Variants in ITGB4 observed in about 807,000 individuals in gnomAD.
The protein encoded by ITGB4 is integrin subunit beta 4.
A neutral mutation model predicts 207.6 loss-of-function variants in ITGB4; 159 were observed. That is an observed-to-expected ratio of 0.77 (90% confidence interval 0.67 to 0.87). The LOEUF is 0.87. Ranked by LOEUF, ITGB4 falls within the 40% of genes least tolerant of loss-of-function variation. The probability of loss-of-function intolerance (pLI) is 0.00; values close to 1 mark genes in which losing one functional copy is unlikely to be tolerated. For synonymous variants in ITGB4, 1,020 were observed against 1,062.7 expected (o/e 0.96, Z 0.78); for missense variants, 2,278 against 2,546.8 (o/e 0.89, Z 2.27).
In ITGB4 at chr17:75,735,383, G is replaced by A. The variant is rs183311628; in HGVS notation, c.1658-668G>A. ...ATTACAGGTGTGAGCCACCACGCCC[G>A]GCTGACAGTTTTATTTCTTTTTTCT... On this transcript the variant is annotated intron_variant, in intron 13 of 39. Transcript: ENST00000200181. 1.9e-3 allele frequency among the ~76,000 whole-genome samples: 287 copies of A among 149,614 alleles called. 1 individual carries two copies. Among genetic ancestry groups the A allele is most frequent in the African/African-American group, 6.7e-3 (274 of 40,604 alleles).
chr17:75,744,582 C>T (rs2061193957), intron 26 of ITGB4, among the ~76,000 whole-genome samples: 1 of 152,144 alleles, frequency 6.6e-6, no homozygotes, highest in Non-Finnish European at 1.5e-5. Context: ...GGATCGAAGA[C>T]CCCATGTCCC....
chr17:75,750,739 GC>G lies in ITGB4; in HGVS notation c.3537del (p.Ser1180GlnfsTer15). 1 of 1,613,534 alleles carries G rather than the reference GC, an allele frequency of 6.2e-7. No individual in the cohort carries two copies. The highest frequency in any genetic ancestry group is 8.5e-7 in the Non-Finnish European group (1 of 1,180,018). Reference sequence around the variant, plus strand: ...AAGCCCACCTGCTCGACAGCAAGGTGCCCTCAGTGGAGCTCACCAACCTGTA... The same window carrying G: ...AAGCCCACCTGCTCGACAGCAAGGTGCCTCAGTGGAGCTCACCAACCTGTA... ...SEAHLLDSKV[P>X]SVELTNLYPY... On this transcript the variant is annotated frameshift_variant, in exon 29 of 40. Transcript: ENST00000200181. LOFTEE classifies it high-confidence loss of function. This position sits in a 1 kb window ranked among gnomAD's most constrained non-coding sequence, Gnocchi z 5.5.
chr17:75,753,712 G>C lies in ITGB4; in HGVS notation c.4109-53G>C, dbSNP rs141962269. 639 of 1,256,432 alleles carry C rather than the reference G, an allele frequency of 5.1e-4. 1 individual carries two copies. The highest frequency in any genetic ancestry group is 6.1e-4 in the Non-Finnish European group (596 of 979,574). 77.8% of individuals were successfully genotyped at this position (1,256,432 alleles called of 1,614,324 possible). ...CTACGGCCTTCCCCCGCCTGGCCCT[G>C]CTCGGCCCGGCGCCCCCCGGCGGTG... On this transcript the variant is annotated intron_variant, in intron 32 of 39. Coordinates refer to ENST00000200181, the MANE Select transcript of ITGB4 (RefSeq NM_000213.5).
chr17:75,757,002 G>A lies in ITGB4; in HGVS notation c.5113G>A (p.Gly1705Ser), dbSNP rs2061527330. The change falls in exon 38 of 40, where the codon GGC (glycine) becomes AGC (serine). Residue 1705 changes from glycine to serine, a missense_variant. Transcript: ENST00000200181. ...DSPESRLTVP[G>S]LSENVPYKFK... is the part of the protein sequence containing the mutation. ...CCCCGAGAGCCGGCTGACCGTGCCG[G>A]GCCTCAGCGAGAACGTGCCCTACAA... 1.2e-6 allele frequency: 2 copies of A among 1,612,746 alleles called. No homozygotes were observed. The highest frequency in any genetic ancestry group is 1.3e-5 in the African/African-American group (1 of 74,908).
Position 75,724,779 on chromosome 17 carries a change from T to C in ITGB4, c.76T>C (p.Leu26=). Residue 26 remains leucine, a synonymous_variant, in exon 2 of 40, where the codon TTG becomes CTG. Transcript: ENST00000200181. ...ALISVSLSGT[L]ANRCKKAPVK... ...GATCAGCGTCAGCCTCTCTGGGACCTTGGGTGAGTCCACGTTGCCCTGCAG... is the reference window on the plus strand; with the variant it reads ...GATCAGCGTCAGCCTCTCTGGGACCCTGGGTGAGTCCACGTTGCCCTGCAG... 2 of 1,613,448 alleles carry C rather than the reference T, an allele frequency of 1.2e-6. No individual in the cohort carries two copies. Among genetic ancestry groups the C allele is most frequent in the Non-Finnish European group, 8.5e-7 (1 of 1,179,800 alleles).
At chr17:75,754,285 C>T (rs1223560779) in intron 33 of ITGB4, among the ~76,000 whole-genome samples, 1 of 152,148 alleles carries the variant, frequency 6.6e-6, no homozygotes, top group Non-Finnish European at 1.5e-5. Context: ...TGGGGATCTC[C>T]CCAGGGCAGA....
Position 75,757,509 on chromosome 17 carries a change from G to C in ITGB4, c.5423G>C (p.Ser1808Thr). 1 of 1,613,380 alleles carries C rather than the reference G, an allele frequency of 6.2e-7. No homozygotes were observed. The highest frequency in any genetic ancestry group is 8.5e-7 in the Non-Finnish European group (1 of 1,180,010). Residue 1808 changes from serine to threonine, a missense_variant, in exon 40 of 40, where the codon AGC (serine) becomes ACC (threonine). Coordinates refer to ENST00000200181, the MANE Select transcript of ITGB4 (RefSeq NM_000213.5). ...TTTGTGAGCCGGACACTGACCACCA[G>C]CGGAACCCTTAGCACCCACATGGAC... ...QEFVSRTLTT[S>T]GTLSTHMDQQ...
In ITGB4 at chr17:75,727,706, G is replaced by A. The variant is rs748925101; in HGVS notation, c.320G>A (p.Arg107Gln). 7.4e-6 allele frequency: 12 copies of A among 1,612,836 alleles called. No individual in the cohort carries two copies. Among genetic ancestry groups the A allele is most frequent in the Admixed American group, 1.7e-5 (1 of 59,936 alleles). ...RRSQMSPQGL[R>Q]VRLRPGEERH... ...AGCCAGATGTCCCCCCAAGGCCTGC[G>A]GGTCCGTCTGCGGCCCGGTGAGGAG... The change falls in exon 5 of 40, where the codon CGG becomes CAG. Residue 107 changes from arginine to glutamine, a missense_variant. Transcript: ENST00000200181. This position sits in a 1 kb window ranked among gnomAD's most constrained non-coding sequence, Gnocchi z 6.0.
Position 75,736,390 on chromosome 17 carries a change from A to G in ITGB4, c.1860+4A>G, listed in dbSNP as rs1568357072. On this transcript the variant is annotated splice_donor_region_variant and intron_variant, in intron 15 of 39. Transcript: ENST00000200181. ...CTGCGAGATCAACTACTCGGCGGTG[A>G]GGCTAAGACCTACGAGGTGTGGGCG... The G allele has an allele frequency of 6.2e-7, 1 of 1,613,942 alleles. No individual in the cohort carries two copies. Among genetic ancestry groups the G allele is most frequent in the Non-Finnish European group, 8.5e-7 (1 of 1,179,838 alleles).
intron 18 of ITGB4, among the ~76,000 whole-genome samples, chr17:75,738,225 C>T (rs1416447152): frequency 6.6e-6 from 1 of 151,694 alleles, no homozygotes; most frequent in African/African-American, 2.4e-5. Flanking sequence ...CCACACCAAC[C>T]CCATCCAGCT....
Position 75,739,300 on chromosome 17 carries a change from A to C in ITGB4, c.2221-372A>C, listed in dbSNP as rs2061053108. Among the ~76,000 whole-genome samples the C allele has an allele frequency of 1.3e-5, 2 of 151,940 alleles. No individual in the cohort carries two copies. The highest frequency in any genetic ancestry group is 2.9e-5 in the Non-Finnish European group (2 of 67,972). On this transcript the variant is annotated intron_variant, in intron 18 of 39. Transcript: ENST00000200181. This position sits in a 1 kb window ranked among gnomAD's most constrained non-coding sequence, Gnocchi z 5.4. ...ACAGAGCGAGACCCTGTCTCAAAAA[A>C]AAAAAAAAGAAAAGAAACAAGTTTC... is the stretch of plus-strand genomic sequence containing the variant.
chr17:75,733,429 A>G (rs2060906499), intron 12 of ITGB4, 61 bp from the exon 13 acceptor site: 3 of 1,327,466 alleles, frequency 2.3e-6, no homozygotes, highest in Admixed American at 1.7e-5. Flanking sequence ...ATTAAATGGG[A>G]CAGCAAAAGC....
chr17:75,742,971 C>T lies in ITGB4; in HGVS notation c.2962+210C>T, dbSNP rs1214345813. On this transcript the variant is annotated intron_variant, in intron 25 of 39. Transcript: ENST00000200181. The surrounding 1 kb of genome is among the most constrained non-coding windows in gnomAD (Gnocchi z 5.9). Reference sequence around the variant, plus strand: ...GCCACAGTGCCTGCCTGGTGGTGAGCGCTCAGTAAATGGAAGCTTCTGTTG... The same window carrying T: ...GCCACAGTGCCTGCCTGGTGGTGAGTGCTCAGTAAATGGAAGCTTCTGTTG... 1.3e-5 allele frequency among the ~76,000 whole-genome samples: 2 copies of T among 152,126 alleles called. No individual in the cohort carries two copies. The highest frequency in any genetic ancestry group is 4.8e-5 in the African/African-American group (2 of 41,406).
In ITGB4 at chr17:75,740,281, G is replaced by T; in HGVS notation, c.2447-77G>T. Reference sequence around the variant, plus strand: ...ATCCCCTGATCCTAGCATGGTTGCTGGAGGGATGCTCTGTGGTGCCTGTCA... The same window carrying T: ...ATCCCCTGATCCTAGCATGGTTGCTTGAGGGATGCTCTGTGGTGCCTGTCA... On this transcript the variant is annotated intron_variant, in intron 20 of 39. Coordinates refer to ENST00000200181, the MANE Select transcript of ITGB4 (RefSeq NM_000213.5). The surrounding 1 kb of genome is among the most constrained non-coding windows in gnomAD (Gnocchi z 5.9). The T allele has an allele frequency of 7.3e-7, 1 of 1,375,766 alleles. No homozygotes were observed. Among genetic ancestry groups the T allele is most frequent in the South Asian group, 1.2e-5 (1 of 82,718 alleles). The allele number at this position is 1,375,766 out of a possible 1,614,324, so 85.2% of individuals were successfully genotyped here. A position where few individuals can be genotyped will look rare whatever the true frequency, so the allele number is the denominator to read the frequency against.
In ITGB4 at chr17:75,743,738, G is replaced by C; in HGVS notation, c.2988G>C (p.Gln996His). ...EQARDVVSFE[Q>H]PEFSVSRGDQ... ...CCAGAGACGTGGTGTCCTTTGAGCA[G>C]CCTGAGTTCTCGGTCAGCCGCGGGG... Residue 996 changes from glutamine to histidine, a missense_variant, in exon 26 of 40, where the codon CAG (glutamine) becomes CAC (histidine). Coordinates refer to ENST00000200181, the MANE Select transcript of ITGB4 (RefSeq NM_000213.5). 2 of 1,613,612 alleles carry C rather than the reference G, an allele frequency of 1.2e-6. No individual in the cohort carries two copies. The highest frequency in any genetic ancestry group is 1.1e-5 in the South Asian group (1 of 91,082).
chr17:75,756,675 G>A (rs1308269420), intron 36 of ITGB4, 29 bp from the exon 37 acceptor site: 1 of 1,613,240 alleles, frequency 6.2e-7, no homozygotes, highest in East Asian at 2.2e-5. Flanking sequence ...CCCACCCACA[G>A]GCTGATGCTC....
rs1199155064 is a variant in ITGB4 at position 75,733,578 on chromosome 17, C to T, written c.1543C>T (p.Arg515Cys). 15 of 1,614,046 alleles carry T rather than the reference C, an allele frequency of 9.3e-6. 1 individual carries two copies. The highest frequency in any genetic ancestry group is 3.3e-4 in the Middle Eastern group (2 of 6,058). ...REGEDKPCSG[R>C]GECQCGHCVC... ...GGGCGAGGACAAGCCGTGCTCCGGCCGTGGGGAGTGCCAGTGCGGGCACTG... is the reference window on the plus strand; with the variant it reads ...GGGCGAGGACAAGCCGTGCTCCGGCTGTGGGGAGTGCCAGTGCGGGCACTG... Residue 515 changes from arginine (R) to cysteine (C), a missense_variant, in exon 13 of 40, where the codon CGT (arginine) becomes TGT (cysteine). Arg to Cys is a radical substitution (Grantham distance 180). Coordinates refer to ENST00000200181, the MANE Select transcript of ITGB4 (RefSeq NM_000213.5).
rs1324166870 is a variant in ITGB4, at chr17:75,756,790, G to A, written c.4984G>A (p.Glu1662Lys). The change falls in exon 37 of 40, where the codon GAG becomes AAG. Residue 1662 changes from glutamate (E) to lysine (K), a missense_variant. Transcript: ENST00000200181. ...LSPDSLQLSWERPRRPNGDIV... is the reference protein window; with the variant it reads ...LSPDSLQLSWKRPRRPNGDIV... ...CCCAGACTCGCTGCAGCTGAGCTGGGAGCGGCCACGGAGGCCCAATGGGGA... is the reference window on the plus strand; with the variant it reads ...CCCAGACTCGCTGCAGCTGAGCTGGAAGCGGCCACGGAGGCCCAATGGGGA... The A allele has an allele frequency of 3.1e-6, 5 of 1,612,718 alleles. No homozygotes were observed. Among genetic ancestry groups the A allele is most frequent in the Non-Finnish European group, 3.4e-6 (4 of 1,180,022 alleles).
intron 26 of ITGB4, among the ~76,000 whole-genome samples, chr17:75,745,515 C>G (rs2143226216): frequency 6.6e-6 from 1 of 152,270 alleles, no homozygotes; most frequent in East Asian, 1.9e-4. Flanking sequence ...GGGAGGATCA[C>G]TTGAGCCCAG....
Sources: allele counts gnomAD v4.1 joint callset (sites outside exome capture counted in the v4.1 genomes callset), GRCh38; gene constraint gnomAD v4.1.1; non-coding constraint Gnocchi (gnomAD v3.1); transcripts MANE v1.5; gene names NCBI Gene and HGNC (gene_info 2026-07-23, HGNC 2026-07-21).